MTCH1: variants seen among roughly 807,000 people sequenced by gnomAD.
MTCH1 encodes the protein mitochondrial carrier 1.
MTCH1 carries 23 observed loss-of-function variants against 49.3 expected under a neutral mutation model. That is an observed-to-expected ratio of 0.47 (90% CI 0.34 to 0.66). The LOEUF (loss-of-function observed/expected upper bound fraction) is 0.66. MTCH1 is among the 30% of genes least tolerant of loss of function. MTCH1 has a pLI of 0.01. For synonymous variants in MTCH1, 229 were observed against 215.2 expected (o/e 1.06, Z -0.56); for missense variants, 397 against 532.1 (o/e 0.75, Z 2.50).
chr6:36,981,378 C>T (rs1257713608), intron 2 of MTCH1, among the ~76,000 whole-genome samples: 1 of 152,192 alleles, frequency 6.6e-6, no homozygotes, highest in Non-Finnish European at 1.5e-5. Flanking sequence ...CTGGCAGCTA[C>T]AGGCAGAGGA....
intron 11 of MTCH1, chr6:36,969,222 T>A: frequency 1.0e-6 from 1 of 985,434 alleles, no homozygotes; most frequent in Non-Finnish European, 1.2e-6. Context: ...GGAGGCTCAT[T>A]GCCCCTCTTG....
At chr6:36,976,134 G>C (rs1033300473) in intron 6 of MTCH1, among the ~76,000 whole-genome samples, 5 of 152,124 alleles carry the variant, frequency 3.3e-5, no homozygotes, top group African/African-American at 1.2e-4. Context: ...AGTAGGAGGG[G>C]GTAGTAAGCA....
chr6:36,985,811 A>T (rs1385586115), intron 1 of MTCH1, 42 bp downstream of exon 1: 1 of 1,533,934 alleles, frequency 6.5e-7, no homozygotes, highest in Non-Finnish European at 8.8e-7. Flanking sequence ...TGTCACCTTC[A>T]CATCAGCCTC....
chr6:36,979,251 C>T (rs909001890), intron 2 of MTCH1, among the ~76,000 whole-genome samples: 4 of 152,140 alleles, frequency 2.6e-5, no homozygotes, highest in African/African-American at 9.7e-5. Context: ...AAAACAGGAG[C>T]ACCAATGAAC....
chr6:36,969,682 C>T, intron 11 of MTCH1: 4 of 1,208,138 alleles, frequency 3.3e-6, no homozygotes, highest in Non-Finnish European at 4.2e-6. Flanking sequence ...CAACTGGTTA[C>T]AGACCTCGAA....
chr6:36,980,369 A>C (rs1264454134), intron 2 of MTCH1, among the ~76,000 whole-genome samples: 2 of 152,132 alleles, frequency 1.3e-5, no homozygotes, highest in Non-Finnish European at 2.9e-5. Context: ...GATCCAGAAA[A>C]AGCCCCGTGC....
At position 36,978,385 on chromosome 6, in the gene MTCH1, G is replaced by C; in HGVS notation, c.513+120C>G. The C allele has an allele frequency of 7.7e-6, 8 of 1,043,418 alleles. No homozygotes were observed. The South Asian group carries it at 1.2e-4, about 15-fold the overall frequency. 64.6% of individuals were successfully genotyped at this position (1,043,418 alleles called of 1,614,324 possible). ...GGGTGGGAGCTCCCCCATGGGGCTG[G>C]AGTGAAGCCCCCAATGGTCTGGGAA... On this transcript the variant is annotated intron_variant, in intron 3 of 11. Coordinates refer to ENST00000373627, the MANE Select transcript of MTCH1 (RefSeq NM_001271641.2).
intron 2 of MTCH1, among the ~76,000 whole-genome samples, chr6:36,980,921 T>C (rs1418140204): frequency 6.6e-6 from 1 of 152,052 alleles, no homozygotes. Context: ...GGCAGCAAGG[T>C]GGGCTTCTTG....
chr6:36,975,752 G>A (rs1324687268), intron 6 of MTCH1, 35 bp from the exon 7 acceptor site: 4 of 1,602,514 alleles, frequency 2.5e-6, no homozygotes, highest in Non-Finnish European at 3.4e-6. Flanking sequence ...ACAGGGTCAT[G>A]CAGTCACCTA....
At chr6:36,969,386 G>A in intron 11 of MTCH1, 1 of 1,080,058 alleles carries the variant, frequency 9.3e-7, no homozygotes, top group Non-Finnish European at 1.1e-6. Context: ...TCAGAGTTCT[G>A]GCTCCCTCCG....
chr6:36,972,822 A>G lies in MTCH1; in HGVS notation c.762-26T>C. On this transcript the variant is annotated intron_variant, in intron 7 of 11. Transcript: ENST00000373627. This position sits in a 1 kb window ranked among gnomAD's most constrained non-coding sequence, Gnocchi z 4.1. ...CTAAAAAACAAGGTAAGCAGAGATG[A>G]GCAGGAGAGGGAGAGGAGCAGTTCC... 6.5e-7 allele frequency: 1 copy of G among 1,535,794 alleles called. No homozygotes were observed. The highest frequency in any genetic ancestry group is 8.8e-7 in the Non-Finnish European group (1 of 1,134,208).
In MTCH1 at chr6:36,977,570, G is replaced by A. The variant is rs890180534; in HGVS notation, c.649+64C>T. The A allele has an allele frequency of 6.9e-6, 8 of 1,166,294 alleles. No homozygotes were observed. Among genetic ancestry groups the A allele is most frequent in the African/African-American group, 4.5e-5 (3 of 66,120 alleles). 72.2% of individuals were successfully genotyped at this position (1,166,294 alleles called of 1,614,324 possible). A position where few individuals can be genotyped will look rare whatever the true frequency, so the allele number is the denominator to read the frequency against. On this transcript the variant is annotated intron_variant, in intron 5 of 11. Transcript: ENST00000373627. This position sits in a 1 kb window ranked among gnomAD's most constrained non-coding sequence, Gnocchi z 5.4. ...GTCTATGTACAGTCCACGAGGGGGCGCCCCTCACCCCACGCCCCCGACGCC... is the reference window on the plus strand; with the variant it reads ...GTCTATGTACAGTCCACGAGGGGGCACCCCTCACCCCACGCCCCCGACGCC...
rs1764309649 is a variant in MTCH1, at chr6:36,986,145, G to A, written c.29C>T (p.Pro10Leu). The stretch of plus-strand genomic sequence containing the variant: ...CCCCGCGGCACCGCCGCGAGCCCAG[G>A]GCGCCACTTCCGGGTCCGAAGCTCC... MGASDPEVA[P>L]WARGGAAGMA... The change falls in exon 1 of 12, where the codon CCC becomes CTC. Residue 10 changes from proline to leucine, a missense_variant. Pro to Leu is a moderately conservative substitution (Grantham distance 98, BLOSUM62 -3). Transcript: ENST00000373627. The A allele has an allele frequency of 2.8e-6, 4 of 1,420,802 alleles. No individual in the cohort carries two copies. The highest frequency in any genetic ancestry group is 3.1e-5 in the African/African-American group (2 of 65,194). 88.0% of individuals were successfully genotyped at this position (1,420,802 alleles called of 1,614,324 possible).
chr6:36,986,055 G>A lies in MTCH1; in HGVS notation c.119C>T (p.Ala40Val). 1 of 1,473,560 alleles carries A rather than the reference G, an allele frequency of 6.8e-7. No homozygotes were observed. 91.3% of individuals were successfully genotyped at this position (1,473,560 alleles called of 1,614,324 possible). A position where few individuals can be genotyped will look rare whatever the true frequency, so the allele number is the denominator to read the frequency against. The change falls in exon 1 of 12, where the codon GCT (alanine) becomes GTT (valine). Residue 40 changes from alanine (A) to valine (V), a missense_variant. Physicochemically the swap from Ala to Val is moderately conservative, Grantham distance 64 (BLOSUM62 0). This residue lies in a region of MTCH1 where 145 missense variants were observed against 143.8 expected (regional missense o/e 1.01). Coordinates refer to ENST00000373627, the MANE Select transcript of MTCH1 (RefSeq NM_001271641.2). ...GGAAAGVEAR[A>V]RDPPPAHRAH... ...GCGGTGCGCGGGCGGTGGATCGCGA[G>A]CTCGAGCCTCGACCCCCGCCGCCGC... is the stretch of plus-strand genomic sequence containing the variant.
Position 36,970,654 on chromosome 6 carries a change from A to G in MTCH1, c.947T>C (p.Val316Ala), listed in dbSNP as rs1347277457. ...ACAGCTGGCACAACTTACCCCCATC[A>G]CGAACTTGGTATAGCTCCGGATGGC... ...ALAIRSYTKF[V>A]MGIAVSMLTY... Residue 316 changes from valine to alanine, a missense_variant, in exon 9 of 12, where the codon GTG (valine) becomes GCG (alanine). By Grantham distance (64) the Val-to-Ala change is moderately conservative. Coordinates refer to ENST00000373627, the MANE Select transcript of MTCH1 (RefSeq NM_001271641.2). The G allele has an allele frequency of 6.2e-7, 1 of 1,614,180 alleles. No individual in the cohort carries two copies. Among genetic ancestry groups the G allele is most frequent in the South Asian group, 1.1e-5 (1 of 91,090 alleles).
chr6:36,976,612 C>T (rs143388807), intron 6 of MTCH1: 7 of 470,498 alleles, frequency 1.5e-5, no homozygotes, highest in African/African-American at 6.0e-5. Flanking sequence ...CAAAAAACAC[C>T]GACCCCAGGA....
chr6:36,972,828 A>T lies in MTCH1; in HGVS notation c.762-32T>A, dbSNP rs925792407. 1.2e-5 allele frequency: 18 copies of T among 1,531,506 alleles called. No homozygotes were observed. The highest frequency in any genetic ancestry group is 9.6e-5 in the African/African-American group (7 of 72,648). 94.9% of individuals were successfully genotyped at this position (1,531,506 alleles called of 1,614,324 possible). A position where few individuals can be genotyped will look rare whatever the true frequency, so the allele number is the denominator to read the frequency against. ...AACAAGGTAAGCAGAGATGAGCAGG[A>T]GAGGGAGAGGAGCAGTTCCTGGGGG... is the stretch of plus-strand genomic sequence containing the variant. On this transcript the variant is annotated intron_variant, in intron 7 of 11. Transcript: ENST00000373627. This position sits in a 1 kb window ranked among gnomAD's most constrained non-coding sequence, Gnocchi z 4.1.
chr6:36,969,001 G>C, intron 11 of MTCH1, 27 bp from the exon 12 acceptor site: 1 of 1,612,444 alleles, frequency 6.2e-7, no homozygotes, highest in Non-Finnish European at 8.5e-7. Context: ...AGTAAGGTGA[G>C]TGAAAGGGAG....
At chr6:36,978,871 CCTCCTTTTT>C (rs1205595312) in intron 2 of MTCH1, among the ~76,000 whole-genome samples, 22 of 144,804 alleles carry the variant, frequency 1.5e-4, no homozygotes, top group African/African-American at 5.6e-4. Context: ...TCCCTCCCTC[CCTCCTTTTT>C]TTTTTTTTTT....
Sources: allele counts gnomAD v4.1 joint callset (sites outside exome capture counted in the v4.1 genomes callset), GRCh38; gene constraint gnomAD v4.1.1; regional missense constraint gnomAD v4.1.1; non-coding constraint Gnocchi (gnomAD v3.1); transcripts MANE v1.5; gene names NCBI Gene and HGNC (gene_info 2026-07-23, HGNC 2026-07-21).